Variants in RFC1 observed in about 807,000 individuals in gnomAD.
RFC1 encodes the protein A1 140 kDa subunit.
Under a neutral mutation model 137.4 loss-of-function variants are expected in RFC1, and 37 were observed. The ratio of observed to expected loss-of-function variants is 0.27; its 90% CI spans 0.21 to 0.35. The LOEUF is 0.35. Ranked by LOEUF, RFC1 falls within the 10% of genes least tolerant of loss-of-function variation. The pLI is 1.00. For synonymous variants in RFC1, 429 were observed against 455.7 expected, an observed-to-expected ratio of 0.94 and a Z score of 0.75; for missense variants, 1,205 against 1,358.5, an observed-to-expected ratio of 0.89 and a Z score of 1.78.
At chr4:39,348,664 G>A (rs558124176) in intron 2 of RFC1, among the ~76,000 whole-genome samples, 11 of 151,912 alleles carry the variant, frequency 7.2e-5, no homozygotes, top group Non-Finnish European at 1.2e-4. Context: ...TATTCTTCAA[G>A]AAAAGGGAAG....
At position 39,326,579 on chromosome 4, in the gene RFC1, A is replaced by G; in HGVS notation, c.626T>C (p.Leu209Pro). 1.9e-6 allele frequency: 3 copies of G among 1,612,918 alleles called. No homozygotes were observed. Among genetic ancestry groups the G allele is most frequent in the Non-Finnish European group, 1.7e-6 (2 of 1,179,114 alleles). Reference sequence around the variant, plus strand: ...TGCCAATACCTCCGCATCTTCATCAAGCTGTAATTGCTTGGCGATGGCTTC... The same window carrying G: ...TGCCAATACCTCCGCATCTTCATCAGGCTGTAATTGCTTGGCGATGGCTTC... The part of the protein sequence containing the change: ...NDEAIAKQLQ[L>P]DEDAELERQL... Residue 209 changes from leucine (L) to proline (P), a missense_variant, in exon 6 of 25, where the codon CTT becomes CCT. This residue lies in a region of RFC1 where 962 missense variants were observed against 1,035.3 expected (regional missense o/e 0.93). Transcript: ENST00000349703.
At chr4:39,291,915 T>C (rs1026597106) in intron 22 of RFC1, 63 bp from the exon 23 acceptor site, 3 of 1,164,440 alleles carry the variant, frequency 2.6e-6, no homozygotes, top group Admixed American at 3.4e-5. Flanking sequence ...ATACTGTGCA[T>C]AACAGCACTG....
intron 4 of RFC1, among the ~76,000 whole-genome samples, chr4:39,329,841 C>G (rs1342570754): frequency 1.3e-5 from 2 of 152,178 alleles, no homozygotes; most frequent in African/African-American, 2.4e-5. Context: ...TCAAGACCAG[C>G]TTGGACAACA....
chr4:39,313,261 A>C (rs1003180354), intron 10 of RFC1, among the ~76,000 whole-genome samples: 4 of 152,242 alleles, frequency 2.6e-5, no homozygotes, highest in African/African-American at 7.2e-5. Flanking sequence ...TTGCATAACT[A>C]TAAATAAACA....
chr4:39,342,450 T>C lies in RFC1; in HGVS notation c.226A>G (p.Thr76Ala), dbSNP rs1265647504. 1.9e-6 allele frequency: 3 copies of C among 1,612,994 alleles called. No homozygotes were observed. Among genetic ancestry groups the C allele is most frequent in the Non-Finnish European group, 1.7e-6 (2 of 1,179,304 alleles). Reference protein sequence around the residue: ...IYDSDSESEETLQVKNAKKPP... With the variant: ...IYDSDSESEEALQVKNAKKPP... The stretch of plus-strand genomic sequence containing the variant: ...TTTTTGGCATTTTTTACCTGCAACG[T>C]CTCCTCTGACTCTGAATCTGTATGT... The change falls in exon 4 of 25, where the codon ACG (threonine) becomes GCG (alanine). Residue 76 changes from threonine (T) to alanine (A), a missense_variant. By Grantham distance (58) the Thr-to-Ala change is moderately conservative. Transcript: ENST00000349703.
chr4:39,346,498 A>C (rs1740867778), intron 2 of RFC1, among the ~76,000 whole-genome samples: 1 of 152,086 alleles, frequency 6.6e-6, no homozygotes, highest in Non-Finnish European at 1.5e-5. Context: ...AAAAGTACTA[A>C]ATAAAACCAA....
chr4:39,360,813 G>C (rs938816901), intron 1 of RFC1, among the ~76,000 whole-genome samples: 14 of 152,234 alleles, frequency 9.2e-5, no homozygotes, highest in Non-Finnish European at 1.5e-4. Flanking sequence ...TGCAAAATAA[G>C]TACCGCAGTA....
At chr4:39,347,342 T>C (rs1467955632) in intron 2 of RFC1, among the ~76,000 whole-genome samples, 5 of 152,172 alleles carry the variant, frequency 3.3e-5, no homozygotes, top group Non-Finnish European at 4.4e-5. Context: ...GAGAGGGAAT[T>C]CCTCCTGCCC....
Position 39,300,260 on chromosome 4 carries a change from C to T in RFC1, c.2690G>A (p.Gly897Glu), listed in dbSNP as rs773542334. 3.1e-6 allele frequency: 5 copies of T among 1,614,124 alleles called. No homozygotes were observed. The Admixed American group carries it at 8.3e-5, about 27-fold the overall frequency. ...NYIHVKPVAA[G>E]GDMKKHLMLL... The stretch of plus-strand genomic sequence containing the variant: ...CCTCTCACCAGCTCTGGACACTCAC[C>T]CTGCTGCTACAGGCTTCACGTGTAT... Residue 897 changes from glycine (G) to glutamate (E), a missense_variant and splice_region_variant, in exon 20 of 25, where the codon GGG (glycine) becomes GAG (glutamate). Physicochemically the swap from Gly to Glu is moderately conservative, Grantham distance 98 (BLOSUM62 -2). Coordinates refer to ENST00000349703, the MANE Select transcript of RFC1 (RefSeq NM_002913.5).
intron 2 of RFC1, among the ~76,000 whole-genome samples, chr4:39,349,693 T>C (rs926692115): frequency 1.3e-5 from 2 of 152,150 alleles, no homozygotes; most frequent in South Asian, 2.1e-4. Flanking sequence ...ATGTCAGAAT[T>C]AGCAGATAAG....
At chr4:39,307,041 T>C (rs777624071) in intron 13 of RFC1, among the ~76,000 whole-genome samples, 10 of 152,128 alleles carry the variant, frequency 6.6e-5, no homozygotes, top group Non-Finnish European at 1.2e-4. Context: ...TCATGCCACC[T>C]CTCACCAGCC....
At chr4:39,314,438 C>A (rs756723077) in intron 10 of RFC1, among the ~76,000 whole-genome samples, 3 of 152,148 alleles carry the variant, frequency 2.0e-5, no homozygotes, top group Non-Finnish European at 4.4e-5. Flanking sequence ...TCTAGCCTCC[C>A]TATCAAACTC....
At chr4:39,305,644 C>G (rs1738602086) in intron 14 of RFC1, among the ~76,000 whole-genome samples, 2 of 151,998 alleles carry the variant, frequency 1.3e-5, no homozygotes, top group South Asian at 4.2e-4. Flanking sequence ...AAAAAGTAAT[C>G]CTCTCTAAGA....
rs752847425 is a variant in RFC1 at position 39,287,512 on chromosome 4, T to G, written c.*1249A>C. On this transcript the variant is annotated 3_prime_UTR_variant, in exon 25 of 25. Coordinates refer to ENST00000349703, the MANE Select transcript of RFC1 (RefSeq NM_002913.5). ...TGAATTAATCTCCATAAATGACATT[T>G]TTCACACTGGTAAATACAGTTTAAA... 3.3e-5 allele frequency: 5 copies of G among 152,188 alleles called. No homozygotes were observed. The highest frequency in any genetic ancestry group is 7.4e-5 in the Non-Finnish European group (5 of 68,024). 9.4% of individuals were successfully genotyped at this position (152,188 alleles called of 1,614,324 possible).
intron 1 of RFC1, among the ~76,000 whole-genome samples, chr4:39,361,452 A>G (rs1741753467): frequency 6.6e-6 from 1 of 152,180 alleles, no homozygotes; most frequent in African/African-American, 2.4e-5. Context: ...CTTGGAAGCA[A>G]AAAGTAAGCA....
intron 9 of RFC1, 144 bp from the exon 10 acceptor site, chr4:39,317,166 T>G (rs951327780): frequency 7.6e-5 from 44 of 579,412 alleles, no homozygotes; most frequent in Non-Finnish European, 1.3e-4. Flanking sequence ...ACACAAGTAC[T>G]TCCTAACTTA....
intron 1 of RFC1, among the ~76,000 whole-genome samples, chr4:39,363,489 G>A (rs1324280590): frequency 6.6e-6 from 1 of 152,150 alleles, no homozygotes; most frequent in Non-Finnish European, 1.5e-5. Flanking sequence ...GTATTCCATT[G>A]TGTGAATACA....
intron 22 of RFC1, among the ~76,000 whole-genome samples, chr4:39,292,663 C>T (rs1260025968): frequency 2.1e-5 from 3 of 144,174 alleles, no homozygotes; most frequent in East Asian, 1.9e-4. Flanking sequence ...TATTTAAAGA[C>T]GAAGCCTCAC....
rs544329620 is a variant in RFC1 at position 39,316,799 on chromosome 4, T to C, written c.1203+116A>G. On this transcript the variant is annotated intron_variant, in intron 10 of 24. Coordinates refer to ENST00000349703, the MANE Select transcript of RFC1 (RefSeq NM_002913.5). ...ATTCTTGAAGACAGTAACTGAAGCT[T>C]TTCTGTTGCTCATTTTTAATTATTA... 172 of 615,426 alleles carry C rather than the reference T, an allele frequency of 2.8e-4. No individual in the cohort carries two copies. The African/African-American group carries it at 3.0e-3, about 11-fold the overall frequency. 38.1% of individuals were successfully genotyped at this position (615,426 alleles called of 1,614,324 possible). A position where few individuals can be genotyped will look rare whatever the true frequency, so the allele number is the denominator to read the frequency against.
Sources: allele counts gnomAD v4.1 joint callset (sites outside exome capture counted in the v4.1 genomes callset), GRCh38; gene constraint gnomAD v4.1.1; regional missense constraint gnomAD v4.1.1; transcripts MANE v1.5; gene names NCBI Gene and HGNC (gene_info 2026-07-23, HGNC 2026-07-21).